CLOCK: variants seen among roughly 807,000 people sequenced by gnomAD.
The protein encoded by CLOCK is clock circadian regulator.
A neutral mutation model predicts 118.4 loss-of-function variants in CLOCK; 43 were observed. The ratio of observed to expected loss-of-function variants is 0.36; its 90% CI spans 0.28 to 0.47. The LOEUF (loss-of-function observed/expected upper bound fraction) is 0.47, where lower values mean the gene tolerates loss of function less well. Ranked by LOEUF, CLOCK falls within the 20% of genes least tolerant of loss-of-function variation. The pLI is 1.00. For missense variants in CLOCK, 846 were observed against 999.9 expected, an observed-to-expected ratio of 0.85 and a Z score of 2.08; for synonymous variants, 326 against 339.2, an observed-to-expected ratio of 0.96 and a Z score of 0.43.
rs11133393 is a variant in CLOCK at position 55,508,594 on chromosome 4, A to ATT, written c.-136+1316_-136+1317dup. ...ATTCTGTAAAGGGCCACACGGGTAA[A>ATT]TTTTTTTTTTTTTTTTGAGACGGAG... is the stretch of plus-strand genomic sequence containing the variant. On this transcript the variant is annotated intron_variant, in intron 2 of 22. Coordinates refer to ENST00000513440, the MANE Select transcript of CLOCK (RefSeq NM_004898.4). 2.1e-3 allele frequency among the ~76,000 whole-genome samples: 311 copies of ATT among 146,754 alleles called. 5 individuals carry two copies. The East Asian group carries it at 0.038, about 18-fold the overall frequency.
Position 55,450,193 on chromosome 4 carries a change from T to A in CLOCK, c.1246A>T (p.Ser416Cys), listed in dbSNP as rs772712485. ...AACCTTTCCAATGCTTCCTTGAGAC[T>A]GACTGTGTTTATACGATTATCTGAC... ...SGSDNRINTV[S>C]LKEALERFDH... is the part of the protein sequence containing the mutation. The change falls in exon 16 of 23, where the codon AGT becomes TGT. Residue 416 changes from serine (S) to cysteine (C), a missense_variant. Transcript: ENST00000513440. 1.2e-6 allele frequency: 2 copies of A among 1,614,044 alleles called. No individual in the cohort carries two copies.
At chr4:55,439,477 T>C (rs1252274947) in intron 21 of CLOCK, among the ~76,000 whole-genome samples, 4 of 152,136 alleles carry the variant, frequency 2.6e-5, no homozygotes, top group Non-Finnish European at 4.4e-5. Context: ...AAATTCACTA[T>C]AGGATTACTA....
At chr4:55,436,798 A>C (rs1010783330) in intron 22 of CLOCK, among the ~76,000 whole-genome samples, 60 of 152,104 alleles carry the variant, frequency 3.9e-4, no homozygotes, top group African/African-American at 1.4e-3. Context: ...TAATTTAGAA[A>C]AGCCAAATTG....
chr4:55,451,340 T>TAAA (rs1247180641), intron 15 of CLOCK, among the ~76,000 whole-genome samples: 3 of 152,232 alleles, frequency 2.0e-5, no homozygotes, highest in Non-Finnish European at 4.4e-5. Flanking sequence ...TCCTCACTGA[T>TAAA]ACTCTTGTCT....
At chr4:55,448,605 T>C (rs58339390) in intron 18 of CLOCK, among the ~76,000 whole-genome samples, 174 bp downstream of exon 18, 2,175 of 27,144 alleles carry the variant, frequency 0.08, 19 homozygotes, top group African/African-American at 0.18. Flanking sequence ...CGCGCGCGTG[T>C]GTGTGTGTGT....
rs1723061708 is a variant in CLOCK, at chr4:55,438,342, G to C, written c.2301C>G (p.Leu767=). The change falls in exon 22 of 23, where the codon CTC becomes CTG. Residue 767 remains leucine (L), a synonymous_variant. Coordinates refer to ENST00000513440, the MANE Select transcript of CLOCK (RefSeq NM_004898.4). ...QQQQSSQEQQ[L]TSVQQPSQAQ... is the part of the protein sequence containing the mutation. The stretch of plus-strand genomic sequence containing the variant: ...CCTGAGATGGTTGCTGAACTGAAGT[G>C]AGCTGCTGCTCCTGGGAGCTCTGCT... The C allele has an allele frequency of 1.2e-6, 2 of 1,613,954 alleles. No individual in the cohort carries two copies. Among genetic ancestry groups the C allele is most frequent in the Admixed American group, 3.3e-5 (2 of 59,970 alleles).
intron 2 of CLOCK, among the ~76,000 whole-genome samples, chr4:55,493,117 C>T (rs1018322831): frequency 2.6e-5 from 4 of 151,910 alleles, no homozygotes; most frequent in African/African-American, 9.7e-5. Flanking sequence ...TACTAGAGGC[C>T]TAGCTATACA....
chr4:55,491,808 A>C (rs1448192872), intron 2 of CLOCK, among the ~76,000 whole-genome samples: 2 of 141,132 alleles, frequency 1.4e-5, no homozygotes, highest in South Asian at 2.5e-4. Context: ...AAGAGAGTAC[A>C]TAGTTTTTTT....
chr4:55,539,951 G>C (rs1731154254), intron 1 of CLOCK, among the ~76,000 whole-genome samples: 1 of 151,032 alleles, frequency 6.6e-6, no homozygotes, highest in Non-Finnish European at 1.5e-5. Flanking sequence ...GAAGCAGATA[G>C]ATAATCAAGA....
At chr4:55,461,702 CT>C (rs1224822821) in intron 9 of CLOCK, among the ~76,000 whole-genome samples, 2 of 152,176 alleles carry the variant, frequency 1.3e-5, no homozygotes, top group Non-Finnish European at 2.9e-5. Context: ...CTCAGGGTCT[CT>C]TTATGAAGCA....
rs1171310421 is a variant in CLOCK, at chr4:55,429,670, T to TA, written c.*5744dup. On this transcript the variant is annotated 3_prime_UTR_variant, in exon 23 of 23. Transcript: ENST00000513440. ...CTAACATTTCCCCAAATGGGCAAAATAGAGGCATCATGTGCCATTGGTTCT... is the reference window on the plus strand; with the variant it reads ...CTAACATTTCCCCAAATGGGCAAAATAAGAGGCATCATGTGCCATTGGTTCT... 1 of 152,136 alleles carries TA rather than the reference T, an allele frequency of 6.6e-6. No individual in the cohort carries two copies. Among genetic ancestry groups the TA allele is most frequent in the Non-Finnish European group, 1.5e-5 (1 of 68,030 alleles). The allele number at this position is 152,136 out of a possible 1,614,324, so 9.4% of individuals were successfully genotyped here.
chr4:55,436,336 T>C (rs1472965030), intron 22 of CLOCK, among the ~76,000 whole-genome samples: 2 of 152,046 alleles, frequency 1.3e-5, no homozygotes, highest in Non-Finnish European at 2.9e-5. Flanking sequence ...TGCATTTGAG[T>C]TTTGCTCTGC....
chr4:55,475,906 C>T (rs945431884), intron 7 of CLOCK, 57 bp downstream of exon 7: 1 of 1,203,458 alleles, frequency 8.3e-7, no homozygotes, highest in Admixed American at 1.8e-5. Context: ...TATTAAGTCA[C>T]CCTGTGATTT....
intron 2 of CLOCK, among the ~76,000 whole-genome samples, chr4:55,502,720 C>T (rs889137718): frequency 3.3e-5 from 5 of 152,140 alleles, no homozygotes; most frequent in Non-Finnish European, 7.4e-5. Context: ...TCAAAATACA[C>T]TACTAGAGTG....
chr4:55,544,422 C>G (rs927000112), intron 1 of CLOCK, among the ~76,000 whole-genome samples: 1 of 152,132 alleles, frequency 6.6e-6, no homozygotes, highest in Non-Finnish European at 1.5e-5. Flanking sequence ...AAACTACACT[C>G]TGAAAGCAGC....
chr4:55,472,446 G>A (rs1478264312), intron 7 of CLOCK, among the ~76,000 whole-genome samples: 1 of 152,132 alleles, frequency 6.6e-6, no homozygotes, highest in Non-Finnish European at 1.5e-5. Context: ...AAGATCCAGT[G>A]GAGAAGAAGT....
intron 18 of CLOCK, among the ~76,000 whole-genome samples, chr4:55,447,780 T>C (rs1005421747): frequency 6.6e-6 from 1 of 152,224 alleles, no homozygotes; most frequent in Admixed American, 6.5e-5. Context: ...TTTTTAAAAA[T>C]ATTGTTTTCA....
intron 2 of CLOCK, among the ~76,000 whole-genome samples, chr4:55,493,661 G>A (rs960077911): frequency 1.3e-5 from 2 of 152,128 alleles, no homozygotes; most frequent in African/African-American, 4.8e-5. Flanking sequence ...TTAAACAGTG[G>A]TTCTCAATTT....
At chr4:55,546,172 G>A (rs1220400036) in intron 1 of CLOCK, among the ~76,000 whole-genome samples, 1 of 152,164 alleles carries the variant, frequency 6.6e-6, no homozygotes, top group South Asian at 2.1e-4. Flanking sequence ...GGTCCCCAGC[G>A]AAAGCTCTCT....
Sources: allele counts gnomAD v4.1 joint callset (sites outside exome capture counted in the v4.1 genomes callset), GRCh38; gene constraint gnomAD v4.1.1; transcripts MANE v1.5; gene names NCBI Gene and HGNC (gene_info 2026-07-23, HGNC 2026-07-21).